The following FOCAD variants were observed in gnomAD, a reference collection of about 807,000 sequenced individuals.
The protein encoded by FOCAD is focadhesin.
FOCAD carries 198 observed loss-of-function variants against 225.6 expected under a neutral mutation model. The observed-to-expected ratio is 0.88, with a 90% CI of 0.78 to 0.99. The LOEUF (loss-of-function observed/expected upper bound fraction) is 0.99, where lower values mean the gene tolerates loss of function less well. Ranked by LOEUF, FOCAD falls within the 50% of genes least tolerant of loss-of-function variation. The probability of loss-of-function intolerance (pLI) is 0.00; values close to 1 mark genes in which losing one functional copy is unlikely to be tolerated. For synonymous variants in FOCAD, 897 were observed against 755.0 expected (o/e 1.19, Z -3.08); for missense variants, 2,713 against 2,123.6 (o/e 1.28, Z -5.46).
At chr9:20,731,276 CA>C (rs1826675927) in intron 4 of FOCAD, among the ~76,000 whole-genome samples, 1 of 115,038 alleles carries the variant, frequency 8.7e-6, no homozygotes, top group South Asian at 2.8e-4. Context: ...ACAACAACAA[CA>C]ACAACAAAGT....
chr9:20,738,393 A>G (rs1024011771), intron 4 of FOCAD, among the ~76,000 whole-genome samples: 1 of 152,212 alleles, frequency 6.6e-6, no homozygotes, highest in Admixed American at 6.5e-5. Flanking sequence ...AAAGTACCAT[A>G]GAATTGACAC....
At chr9:20,699,796 A>ATG (rs1183495945) in intron 1 of FOCAD, among the ~76,000 whole-genome samples, 31 of 114,096 alleles carry the variant, frequency 2.7e-4, no homozygotes, top group Non-Finnish European at 5.0e-4. Context: ...ATATATATAT[A>ATG]TATATATATA....
chr9:20,665,263 T>C (rs1821865143), intron 2 of FOCAD, among the ~76,000 whole-genome samples: 1 of 152,136 alleles, frequency 6.6e-6, no homozygotes, highest in Non-Finnish European at 1.5e-5. Context: ...TAGAAGAGTA[T>C]GATAGTGATG....
intron 15 of FOCAD, among the ~76,000 whole-genome samples, chr9:20,831,105 G>T (rs1587336250): frequency 6.6e-6 from 1 of 152,052 alleles, no homozygotes; most frequent in Non-Finnish European, 1.5e-5. Flanking sequence ...AAAAGAAGAT[G>T]AAGTTGTCAT....
chr9:20,987,772 G>A (rs997967206), intron 40 of FOCAD, among the ~76,000 whole-genome samples: 3 of 152,134 alleles, frequency 2.0e-5, no homozygotes, highest in Non-Finnish European at 2.9e-5. Flanking sequence ...TGCAGTTCCC[G>A]TTTTTGAAAC....
intron 11 of FOCAD, among the ~76,000 whole-genome samples, chr9:20,806,172 G>C (rs1232087106): frequency 6.6e-6 from 1 of 152,162 alleles, no homozygotes; most frequent in Non-Finnish European, 1.5e-5. Context: ...TTTCAAGGTA[G>C]TCCAAGATTT....
intron 1 of FOCAD, among the ~76,000 whole-genome samples, chr9:20,714,910 T>C (rs1825209536): frequency 6.6e-6 from 1 of 152,212 alleles, no homozygotes; most frequent in Admixed American, 6.5e-5. Context: ...GGATTAGTGC[T>C]TAGATGAAAG....
intron 26 of FOCAD, among the ~76,000 whole-genome samples, chr9:20,926,735 A>G (rs1056072950): frequency 2.6e-5 from 4 of 151,578 alleles, no homozygotes; most frequent in Non-Finnish European, 4.4e-5. Context: ...GTGAGCCAAG[A>G]TCGCGCCATT....
intron 16 of FOCAD, among the ~76,000 whole-genome samples, chr9:20,865,133 G>C (rs1829114487): frequency 6.6e-6 from 1 of 152,092 alleles, no homozygotes; most frequent in Non-Finnish European, 1.5e-5. Flanking sequence ...ATAGATGTGA[G>C]TGATGATAAT....
Position 20,758,080 on chromosome 9 carries a change from T to C in FOCAD, c.393-10T>C. On this transcript the variant is annotated splice_polypyrimidine_tract_variant and intron_variant, in intron 5 of 43. Coordinates refer to ENST00000338382, the MANE Select transcript of FOCAD (RefSeq NM_001375567.1). ...TAACAGGTTCCCATGTGACTTTCTG[T>C]GTCTTTCAGAAATCATCCTCATCCT... The C allele has an allele frequency of 6.3e-7, 1 of 1,587,322 alleles. No individual in the cohort carries two copies. Among genetic ancestry groups the C allele is most frequent in the Non-Finnish European group, 8.6e-7 (1 of 1,165,164 alleles).
intron 4 of FOCAD, among the ~76,000 whole-genome samples, chr9:20,727,913 C>T (rs959434459): frequency 1.3e-5 from 2 of 152,128 alleles, no homozygotes; most frequent in Non-Finnish European, 2.9e-5. Context: ...TCTTGTACCT[C>T]ATGTTTGGTA....
chr9:20,876,549 G>A (rs1296587307), intron 19 of FOCAD, among the ~76,000 whole-genome samples: 2 of 152,078 alleles, frequency 1.3e-5, no homozygotes, highest in South Asian at 2.1e-4. Context: ...GGTTCTCAGT[G>A]CCTTCGACTG....
chr9:20,757,075 A>C (rs1350323978), intron 5 of FOCAD, among the ~76,000 whole-genome samples: 1 of 152,108 alleles, frequency 6.6e-6, no homozygotes, highest in Non-Finnish European at 1.5e-5. Flanking sequence ...GATTACAGGC[A>C]TGCGCCACCA....
chr9:20,808,756 T>C (rs1822733244), intron 11 of FOCAD, among the ~76,000 whole-genome samples: 1 of 152,184 alleles, frequency 6.6e-6, no homozygotes, highest in Non-Finnish European at 1.5e-5. Flanking sequence ...ATTCTTCCAC[T>C]GAGCCTTTGC....
At chr9:20,662,194 G>A (rs1587171446) in intron 2 of FOCAD, among the ~76,000 whole-genome samples, 1 of 149,050 alleles carries the variant, frequency 6.7e-6, no homozygotes, top group East Asian at 2.0e-4. Context: ...ATGTGTGTGT[G>A]TGTGCATATA....
At chr9:20,932,862 A>G in intron 27 of FOCAD, 152 bp from the exon 28 acceptor site, 1 of 580,958 alleles carries the variant, frequency 1.7e-6, no homozygotes, top group South Asian at 2.4e-5. Context: ...ACTACCAAAT[A>G]AGAATAGGCA....
At chr9:20,988,860 A>T (rs1315590369) in intron 41 of FOCAD, among the ~76,000 whole-genome samples, 2 of 152,180 alleles carry the variant, frequency 1.3e-5, no homozygotes, top group Non-Finnish European at 2.9e-5. Flanking sequence ...ATGGCTAAAA[A>T]TGCCTGCTTT....
intron 28 of FOCAD, among the ~76,000 whole-genome samples, chr9:20,940,332 G>C (rs1340986089): frequency 6.7e-6 from 1 of 148,862 alleles, no homozygotes; most frequent in South Asian, 2.1e-4. Flanking sequence ...TGCTCAGGCT[G>C]GAGTGCAGTG....
At chr9:20,750,199 C>T (rs1177321218) in intron 5 of FOCAD, among the ~76,000 whole-genome samples, 1 of 152,030 alleles carries the variant, frequency 6.6e-6, no homozygotes, top group African/African-American at 2.4e-5. Context: ...CATGAATCAA[C>T]CAGTTTAAGA....
Sources: gnomAD v4.1 joint callset for allele counts (sites outside exome capture counted in the v4.1 genomes callset) on GRCh38, gnomAD v4.1.1 for gene constraint, MANE v1.5 for transcripts, NCBI Gene and HGNC (gene_info 2026-07-23, HGNC 2026-07-21) for gene names.